RBFOX1: variants seen among roughly 807,000 people sequenced by gnomAD.
The protein encoded by RBFOX1 is RNA binding fox-1 homolog 1, also known as RNA binding protein fox-1 homolog 1.
A neutral mutation model predicts 57.7 loss-of-function variants in RBFOX1; 8 were observed. That is an observed-to-expected ratio of 0.14 (90% CI 0.08 to 0.25). RBFOX1 has a LOEUF of 0.25. RBFOX1 is among the 10% of genes least tolerant of loss of function. The pLI, the probability that RBFOX1 is intolerant of heterozygous loss-of-function variation, is 1.00. For synonymous variants in RBFOX1, 326 were observed against 222.4 expected (o/e 1.47, Z -4.15); for missense variants, 611 against 548.5 (o/e 1.11, Z -1.14).
In RBFOX1 at chr16:6,143,496, G is replaced by C. The variant is rs76899163; in HGVS notation, c.-127+123504G>C. ...GCTGTCCTTGTTTGTGGAGGAAAAT[G>C]TTTCTATAGACTTGCTGTTCTTCCC... On this transcript the variant is annotated intron_variant, in intron 1 of 15. Transcript: ENST00000550418. Among the ~76,000 whole-genome samples, 979 of 152,260 alleles carry C rather than the reference G, an allele frequency of 6.4e-3. 16 individuals are homozygous for C. Among genetic ancestry groups the C allele is most frequent in the African/African-American group, 0.022 (909 of 41,562 alleles).
chr16:6,142,910 A>G (rs188752700), intron 1 of RBFOX1, among the ~76,000 whole-genome samples: 4 of 152,230 alleles, frequency 2.6e-5, no homozygotes, highest in Admixed American at 2.6e-4. Flanking sequence ...GACTGCAAGG[A>G]GCTCTTCCCT....
intron 3 of RBFOX1, among the ~76,000 whole-genome samples, chr16:6,859,691 A>G (rs893834135): frequency 5.3e-5 from 8 of 152,312 alleles, no homozygotes; most frequent in African/African-American, 1.9e-4. Context: ...CAAATTTTTT[A>G]ATCGACTACG....
chr16:6,982,533 C>A (rs922495953), intron 3 of RBFOX1, among the ~76,000 whole-genome samples: 2 of 152,186 alleles, frequency 1.3e-5, no homozygotes, highest in African/African-American at 4.8e-5. Context: ...GCCCTCTGTT[C>A]ATCATCCTTT....
intron 1 of RBFOX1, among the ~76,000 whole-genome samples, chr16:6,115,910 T>C (rs1002853567): frequency 6.6e-6 from 1 of 152,098 alleles, no homozygotes; most frequent in South Asian, 2.1e-4. Context: ...ACTAGTGAGG[T>C]ATAAATATCT....
intron 1 of RBFOX1, among the ~76,000 whole-genome samples, chr16:6,083,483 G>T (rs1359350846): frequency 2.6e-5 from 4 of 151,732 alleles, no homozygotes; most frequent in Non-Finnish European, 5.9e-5. Context: ...TTTGGTTTTG[G>T]TTTTGGTTTT....
chr16:6,193,406 A>ATATAG (rs2097158785), intron 1 of RBFOX1, among the ~76,000 whole-genome samples: 1 of 107,646 alleles, frequency 9.3e-6, no homozygotes, highest in African/African-American at 3.4e-5. Flanking sequence ...ATATATATAT[A>ATATAG]TATATATATA....
At chr16:7,252,829 G>A (rs1341906325) in intron 4 of RBFOX1, among the ~76,000 whole-genome samples, 4 of 151,792 alleles carry the variant, frequency 2.6e-5, no homozygotes, top group South Asian at 2.1e-4. Flanking sequence ...GGATGTGAAC[G>A]TGGTACCTAA....
intron 4 of RBFOX1, among the ~76,000 whole-genome samples, chr16:7,119,560 C>T (rs180734898): frequency 6.6e-6 from 1 of 151,926 alleles, no homozygotes; most frequent in Admixed American, 6.6e-5. Context: ...CACTACATAT[C>T]AAAGTAAACT....
chr16:7,493,100 A>C (rs1328011409), intron 4 of RBFOX1, among the ~76,000 whole-genome samples: 1 of 152,116 alleles, frequency 6.6e-6, no homozygotes, highest in African/African-American at 2.4e-5. Context: ...GCTGGTCTCA[A>C]ACTCCTGACC....
intron 3 of RBFOX1, among the ~76,000 whole-genome samples, chr16:6,752,997 CAAATACA>C (rs1352845094): frequency 6.6e-6 from 1 of 152,076 alleles, no homozygotes; most frequent in African/African-American, 2.4e-5. Context: ...GTGCAAATTT[CAAATACA>C]CAATTGTGCA....
At chr16:6,801,108 G>T (rs1053628597) in intron 3 of RBFOX1, among the ~76,000 whole-genome samples, 4 of 151,766 alleles carry the variant, frequency 2.6e-5, no homozygotes, top group African/African-American at 9.7e-5. Flanking sequence ...GTAGATCTGG[G>T]GATTGACCTA....
intron 10 of RBFOX1, among the ~76,000 whole-genome samples, chr16:7,617,955 A>C (rs1021618110): frequency 6.6e-6 from 1 of 151,790 alleles, no homozygotes; most frequent in Non-Finnish European, 1.5e-5. Flanking sequence ...GGTGGTTGGT[A>C]GGGTCCCAAG....
intron 3 of RBFOX1, among the ~76,000 whole-genome samples, chr16:5,705,529 G>A (rs1031558392): frequency 2.0e-5 from 3 of 152,196 alleles, no homozygotes; most frequent in African/African-American, 7.2e-5. Flanking sequence ...AAACACCTCT[G>A]TAATCACGAG....
intron 2 of RBFOX1, among the ~76,000 whole-genome samples, chr16:6,542,925 C>G (rs546079682): frequency 7.2e-4 from 109 of 152,202 alleles, no homozygotes; most frequent in African/African-American, 2.6e-3. Context: ...CGTGCTGAGT[C>G]ACAGTTAGAA....
chr16:6,245,604 A>T (rs1375322792), intron 1 of RBFOX1, among the ~76,000 whole-genome samples: 1 of 152,174 alleles, frequency 6.6e-6, no homozygotes, highest in Non-Finnish European at 1.5e-5. Flanking sequence ...ATAATAATAC[A>T]AATAACCTTC....
rs538102599 is a variant in RBFOX1 at position 7,489,053 on chromosome 16, T to C, written c.28-29094T>C. 3.9e-5 allele frequency among the ~76,000 whole-genome samples: 6 copies of C among 152,326 alleles called. No homozygotes were observed. In the East Asian group the frequency reaches 1.2e-3, roughly 29 times the overall value. ...TATCTCTATCTTTATAAAATCTTGC[T>C]GTGAATCTCAGCGTGTCTGTCTCCC... On this transcript the variant is annotated intron_variant, in intron 4 of 15. Coordinates refer to ENST00000550418, the MANE Select transcript of RBFOX1 (RefSeq NM_018723.4).
intron 3 of RBFOX1, among the ~76,000 whole-genome samples, chr16:6,956,136 C>G (rs921863235): frequency 1.3e-4 from 20 of 151,996 alleles, no homozygotes; most frequent in African/African-American, 4.8e-4. Flanking sequence ...GTAAATGGGA[C>G]CTGGACAGAT....
intron 1 of RBFOX1, among the ~76,000 whole-genome samples, chr16:5,302,142 TG>T (rs1282774476): frequency 6.6e-6 from 1 of 152,230 alleles, no homozygotes; most frequent in Non-Finnish European, 1.5e-5. Context: ...TATTGTCTTT[TG>T]GTTATCATAC....
rs7501075 is a variant in RBFOX1 at position 6,786,889 on chromosome 16, C to T, written c.-16+132239C>T. The stretch of plus-strand genomic sequence containing the variant: ...ACCAGAAGGAAGAGAATTGCTTAGC[C>T]GGCAGGCTTTTTTACTTTTAAAAAA... On this transcript the variant is annotated intron_variant, in intron 3 of 15. Coordinates refer to ENST00000550418, the MANE Select transcript of RBFOX1 (RefSeq NM_018723.4). Among the ~76,000 whole-genome samples, 8 of 129,462 alleles carry T rather than the reference C, an allele frequency of 6.2e-5. No homozygotes were observed. In the East Asian group the frequency reaches 1.0e-3, roughly 17 times the overall value. The allele number at this position is 129,462 out of a possible 152,430, so 84.9% of individuals were successfully genotyped here. A position where few individuals can be genotyped will look rare whatever the true frequency, so the allele number is the denominator to read the frequency against.
Sources: allele counts gnomAD v4.1 joint callset (sites outside exome capture counted in the v4.1 genomes callset), GRCh38; gene constraint gnomAD v4.1.1; transcripts MANE v1.5; gene names NCBI Gene and HGNC (gene_info 2026-07-23, HGNC 2026-07-21).